CHD9: variants seen among roughly 807,000 people sequenced by gnomAD.
CHD9 encodes ATP-dependent chromatin remodeler CHD9.
A neutral mutation model predicts 316.1 loss-of-function variants in CHD9; 77 were observed. That is an observed-to-expected ratio of 0.24 (90% CI 0.20 to 0.29). The LOEUF (loss-of-function observed/expected upper bound fraction) is 0.29, where lower values mean the gene tolerates loss of function less well. CHD9 is among the 10% of genes least tolerant of loss of function. CHD9 has a pLI of 1.00. For synonymous variants in CHD9, 1,129 were observed against 1,158.3 expected, an observed-to-expected ratio of 0.97 and a Z score of 0.51; for missense variants, 2,763 against 3,438.1, an observed-to-expected ratio of 0.80 and a Z score of 4.91.
intron 12 of CHD9, 72 bp from the exon 13 acceptor site, chr16:53,242,768 A>T (rs1243656071): frequency 1.5e-6 from 2 of 1,320,144 alleles, no homozygotes; most frequent in Non-Finnish European, 2.1e-6. Context: ...ATGTTATCTG[A>T]TGCCACTTGA....
At chr16:53,120,764 G>A (rs547700157) in intron 1 of CHD9, among the ~76,000 whole-genome samples, 1 of 152,246 alleles carries the variant, frequency 6.6e-6, no homozygotes. Flanking sequence ...CAGCATGTTG[G>A]GAGTCTGAGG....
At chr16:53,078,570 C>T (rs749157819) in intron 1 of CHD9, among the ~76,000 whole-genome samples, 3 of 152,182 alleles carry the variant, frequency 2.0e-5, no homozygotes, top group Non-Finnish European at 4.4e-5. Context: ...ATAAAACAGA[C>T]TAAGTATTAT....
chr16:53,303,814 A>C lies in CHD9; in HGVS notation c.5808A>C (p.Glu1936Asp). ...TTGAACTTCTAAGGAAAGTACGGGAACAGGCCCTTCGACATCCACAGTTGT... is the reference window on the plus strand; with the variant it reads ...TTGAACTTCTAAGGAAAGTACGGGACCAGGCCCTTCGACATCCACAGTTGT... The part of the protein sequence containing the change: ...YRIELLRKVR[E>D]QALRHPQLFE... The change falls in exon 31 of 39, where the codon GAA becomes GAC. Residue 1936 changes from glutamate (E) to aspartate (D), a missense_variant. This residue lies in a region of CHD9 where 663 missense variants were observed against 751.2 expected (regional missense o/e 0.88). Transcript: ENST00000447540. 1.2e-6 allele frequency: 2 copies of C among 1,614,062 alleles called. No homozygotes were observed. Among genetic ancestry groups the C allele is most frequent in the Non-Finnish European group, 1.7e-6 (2 of 1,179,904 alleles).
At chr16:53,062,004 C>T (rs911915416) in intron 1 of CHD9, among the ~76,000 whole-genome samples, 6 of 152,156 alleles carry the variant, frequency 3.9e-5, no homozygotes, top group Non-Finnish European at 8.8e-5. Flanking sequence ...TTTGAGCTGT[C>T]TCTTTGATCC....
At chr16:53,247,854 TG>T (rs766935549) in intron 16 of CHD9, 49 of 169,848 alleles carry the variant, frequency 2.9e-4, no homozygotes, top group Non-Finnish European at 3.6e-4. Flanking sequence ...TTGAAAAAAG[TG>T]ATTCAAGAAC....
chr16:53,150,582 T>C (rs572590526), intron 1 of CHD9, among the ~76,000 whole-genome samples: 1 of 152,348 alleles, frequency 6.6e-6, no homozygotes, highest in South Asian at 2.1e-4. Context: ...ATTCTTTGTT[T>C]CTTCATATGG....
At chr16:53,089,762 T>A (rs1027676293) in intron 1 of CHD9, among the ~76,000 whole-genome samples, 3 of 152,164 alleles carry the variant, frequency 2.0e-5, no homozygotes, top group African/African-American at 7.2e-5. Flanking sequence ...CAGTTTAGAC[T>A]GATGGCAGTT....
chr16:53,217,781 AATATTTTAG>A (rs1263013771), intron 3 of CHD9, among the ~76,000 whole-genome samples: 1 of 151,970 alleles, frequency 6.6e-6, no homozygotes, highest in African/African-American at 2.4e-5. Flanking sequence ...AAAAAATTAT[AATATTTTAG>A]AAATAGGGTT....
intron 2 of CHD9, among the ~76,000 whole-genome samples, chr16:53,206,768 C>G (rs527433753): frequency 1.3e-5 from 2 of 152,188 alleles, no homozygotes; most frequent in Non-Finnish European, 2.9e-5. Flanking sequence ...CAGTTCCATT[C>G]TGTCTCTTTG....
At chr16:53,123,306 A>G (rs899008715) in intron 1 of CHD9, among the ~76,000 whole-genome samples, 3 of 151,636 alleles carry the variant, frequency 2.0e-5, no homozygotes, top group African/African-American at 7.3e-5. Flanking sequence ...ATTGCCCCCC[A>G]GAAGAAACCC....
At chr16:53,142,394 G>A (rs1053776691) in intron 1 of CHD9, among the ~76,000 whole-genome samples, 6 of 152,170 alleles carry the variant, frequency 3.9e-5, no homozygotes, top group African/African-American at 1.4e-4. Flanking sequence ...GAGCCACTGC[G>A]CCCATCCCGA....
Position 53,245,579 on chromosome 16 carries a change from A to T in CHD9, c.3199-16A>T. The T allele has an allele frequency of 6.5e-7, 1 of 1,540,818 alleles. No individual in the cohort carries two copies. Among genetic ancestry groups the T allele is most frequent in the Non-Finnish European group, 8.7e-7 (1 of 1,148,494 alleles). On this transcript the variant is annotated splice_polypyrimidine_tract_variant and intron_variant, in intron 14 of 38. Transcript: ENST00000447540. The surrounding 1 kb of genome is among the most constrained non-coding windows in gnomAD (Gnocchi z 4.1). ...GCTCACTTATGTTATATGTCTTTTT[A>T]TCATTTTTTATTCAGGTACAGAAAC...
chr16:53,205,650 G>A (rs2045840616), intron 2 of CHD9, among the ~76,000 whole-genome samples: 3 of 152,120 alleles, frequency 2.0e-5, no homozygotes, highest in Admixed American at 6.5e-5. Context: ...GATTTATTAA[G>A]GTTTATTAAA....
chr16:53,120,260 T>TAA lies in CHD9; in HGVS notation c.-164-35661_-164-35660dup, dbSNP rs148722335. On this transcript the variant is annotated intron_variant, in intron 1 of 38. Transcript: ENST00000447540. ...AAAAATAAAAATAAAAAAATTTTTT[T>TAA]AAAAAATTGCACTAGGATGGGTTTC... Among the ~76,000 whole-genome samples the TAA allele has an allele frequency of 3.6e-3, 553 of 151,766 alleles. 5 individuals carry two copies. The highest frequency in any genetic ancestry group is 0.012 in the African/African-American group (509 of 41,428).
At chr16:53,184,772 C>G (rs1276746574) in intron 2 of CHD9, among the ~76,000 whole-genome samples, 1 of 152,118 alleles carries the variant, frequency 6.6e-6, no homozygotes, top group Non-Finnish European at 1.5e-5. Flanking sequence ...TGAGAGGGAC[C>G]AAGTGGAGAT....
intron 1 of CHD9, among the ~76,000 whole-genome samples, chr16:53,120,223 C>T (rs748815432): frequency 6.6e-6 from 1 of 151,902 alleles, no homozygotes; most frequent in Non-Finnish European, 1.5e-5. Context: ...CAGAGCAAGA[C>T]CCTGTCTCTA....
intron 1 of CHD9, among the ~76,000 whole-genome samples, chr16:53,127,977 G>C (rs1042553423): frequency 4.7e-5 from 7 of 150,470 alleles, no homozygotes; most frequent in African/African-American, 1.7e-4. Flanking sequence ...CTCATAGAGT[G>C]GTTGTGAAGA....
chr16:53,098,074 C>T (rs1472654271), intron 1 of CHD9, among the ~76,000 whole-genome samples: 3 of 149,534 alleles, frequency 2.0e-5, no homozygotes, highest in Admixed American at 6.7e-5. Flanking sequence ...GAGCCGAGAT[C>T]GTGCCATTGC....
In CHD9 at chr16:53,156,979, A is replaced by T. The variant is rs2041563831; in HGVS notation, c.890A>T (p.His297Leu). Residue 297 changes from histidine to leucine, a missense_variant, in exon 2 of 39, where the codon CAT becomes CTT. Around this residue, in one of 15 missense-constraint regions of CHD9, gnomAD observed 859 missense variants for 890.4 expected, o/e 0.96. Coordinates refer to ENST00000447540, the MANE Select transcript of CHD9 (RefSeq NM_001308319.2). ...LQSSAVLASN[H>L]TNQTLSDFTG... ...TCCTCTGCAGTTCTTGCATCTAATC[A>T]TACAAATCAGACTTTATCTGATTTT... 6.2e-7 allele frequency: 1 copy of T among 1,612,752 alleles called. No homozygotes were observed. The highest frequency in any genetic ancestry group is 8.5e-7 in the Non-Finnish European group (1 of 1,179,294).
Sources: gnomAD v4.1 joint callset for allele counts (sites outside exome capture counted in the v4.1 genomes callset) on GRCh38, gnomAD v4.1.1 for gene constraint, gnomAD v4.1.1 regional missense constraint, Gnocchi (gnomAD v3.1) non-coding constraint, MANE v1.5 for transcripts, NCBI Gene and HGNC (gene_info 2026-07-23, HGNC 2026-07-21) for gene names.